The following LRRK2 variants were observed in gnomAD, a reference collection of about 807,000 sequenced individuals.
LRRK2 encodes the protein leucine-rich repeat serine/threonine-protein kinase 2.
Under a neutral mutation model 302.6 loss-of-function variants are expected in LRRK2, and 203 were observed. The ratio of observed to expected loss-of-function variants is 0.67; its 90% confidence interval spans 0.60 to 0.75. The LOEUF is 0.75. Ranked by LOEUF, LRRK2 falls within the 30% of genes least tolerant of loss-of-function variation. LRRK2 has a pLI of 0.00. For synonymous variants in LRRK2, 1,066 were observed against 1,031.9 expected (o/e 1.03, Z -0.63); for missense variants, 2,830 against 2,951.0 (o/e 0.96, Z 0.95).
intron 38 of LRRK2, among the ~76,000 whole-genome samples, chr12:40,327,626 A>G (rs776677308): frequency 1.3e-5 from 2 of 152,196 alleles, no homozygotes; most frequent in Non-Finnish European, 2.9e-5. Flanking sequence ...TTTGTTTCTG[A>G]ACAGGAGAGT....
Position 40,225,040 on chromosome 12 carries a change from G to A in LRRK2, c.-92G>A, listed in dbSNP as rs1940793577. 1.2e-5 allele frequency: 18 copies of A among 1,535,478 alleles called. 1 individual carries two copies. The highest frequency in any genetic ancestry group is 1.4e-5 in the Non-Finnish European group (16 of 1,122,904). ...TGGCTGCGGGCGGTGAGCTGAGCTC[G>A]CCCCCGGGGAGCTGTGGCCGGCGCC... is the stretch of plus-strand genomic sequence containing the variant. On this transcript the variant is annotated 5_prime_UTR_variant, in exon 1 of 51. Coordinates refer to ENST00000298910, the MANE Select transcript of LRRK2 (RefSeq NM_198578.4).
At chr12:40,259,723 A>G in intron 13 of LRRK2, 119 bp downstream of exon 13, 1 of 1,328,962 alleles carries the variant, frequency 7.5e-7, no homozygotes, top group Non-Finnish European at 1.1e-6. Flanking sequence ...CTAAATGTAA[A>G]TCTTTCTGTT....
At chr12:40,261,148 A>T (rs1447007875) in intron 13 of LRRK2, among the ~76,000 whole-genome samples, 1 of 152,194 alleles carries the variant, frequency 6.6e-6, no homozygotes, top group Non-Finnish European at 1.5e-5. Context: ...TAACAGATGT[A>T]ATTTTACTTG....
intron 6 of LRRK2, among the ~76,000 whole-genome samples, chr12:40,242,722 C>T (rs144746219): frequency 6.7e-6 from 1 of 149,194 alleles, no homozygotes; most frequent in African/African-American, 2.5e-5. Flanking sequence ...GGTTGAGCCT[C>T]GTTAAGAAAT....
chr12:40,236,048 A>G lies in LRRK2; in HGVS notation c.436+334A>G, dbSNP rs1941452571. 3.9e-5 allele frequency among the ~76,000 whole-genome samples: 6 copies of G among 152,046 alleles called. No homozygotes were observed. In the South Asian group the frequency reaches 1.2e-3, roughly 31 times the overall value. On this transcript the variant is annotated intron_variant, in intron 4 of 50. Coordinates refer to ENST00000298910, the MANE Select transcript of LRRK2 (RefSeq NM_198578.4). ...TCCCCAAATCTCTGTTGGTAGTCCGATGTTTGCTCCCAAAATCTGGACCTA... is the reference window on the plus strand; with the variant it reads ...TCCCCAAATCTCTGTTGGTAGTCCGGTGTTTGCTCCCAAAATCTGGACCTA...
At position 40,250,296 on chromosome 12, in the gene LRRK2, C is replaced by T. The variant is rs17519594; in HGVS notation, c.958+351C>T. ...CACAAGGTCAGGAGTTCGAGACCAGCCTGGCCAACATGGTGAAACCCCATC... is the reference window on the plus strand; with the variant it reads ...CACAAGGTCAGGAGTTCGAGACCAGTCTGGCCAACATGGTGAAACCCCATC... On this transcript the variant is annotated intron_variant, in intron 8 of 50. Coordinates refer to ENST00000298910, the MANE Select transcript of LRRK2 (RefSeq NM_198578.4). Among the ~76,000 whole-genome samples the T allele has an allele frequency of 4.3e-3, 661 of 152,034 alleles. 9 individuals carry two copies. Among genetic ancestry groups the T allele is most frequent in the African/African-American group, 0.015 (616 of 41,452 alleles).
At chr12:40,253,207 A>G (rs1329763486) in intron 11 of LRRK2, among the ~76,000 whole-genome samples, 191 bp downstream of exon 11, 1 of 152,176 alleles carries the variant, frequency 6.6e-6, no homozygotes, top group Non-Finnish European at 1.5e-5. Flanking sequence ...AATAAAATAA[A>G]CATTTGTTGT....
chr12:40,317,925 T>C (rs1234424771), intron 33 of LRRK2, among the ~76,000 whole-genome samples: 1 of 152,090 alleles, frequency 6.6e-6, no homozygotes, highest in East Asian at 1.9e-4. Flanking sequence ...CTGCTCCACA[T>C]GGTATTGGCA....
At chr12:40,321,980 G>T (rs183390008) in intron 35 of LRRK2, 55 bp from the exon 36 acceptor site, 8 of 1,586,136 alleles carry the variant, frequency 5.0e-6, no homozygotes, top group Non-Finnish European at 6.9e-6. Flanking sequence ...GTGTGCAGTA[G>T]ATTTTTTCCC....
In LRRK2 at chr12:40,363,433, A is replaced by G. The variant is rs1267788697; in HGVS notation, c.7060A>G (p.Ile2354Val). 6.2e-7 allele frequency: 1 copy of G among 1,611,818 alleles called. No homozygotes were observed. Among genetic ancestry groups the G allele is most frequent in the Admixed American group, 1.7e-5 (1 of 59,796 alleles). The change falls in exon 48 of 51, where the codon ATC becomes GTC. Residue 2354 changes from isoleucine to valine, a missense_variant. Ile to Val is a conservative substitution (Grantham distance 29). Transcript: ENST00000298910. ...TTATGCAGCTTTCAGTGATTCCAAC[A>G]TCATAACAGTGGTGGTAGACACTGC... is the stretch of plus-strand genomic sequence containing the variant. ...FSYAAFSDSNIITVVVDTALY... is the reference protein window; with the variant it reads ...FSYAAFSDSNVITVVVDTALY...
In LRRK2 at chr12:40,299,133, C is replaced by T; in HGVS notation, c.3372C>T (p.Ser1124=). Reference sequence around the variant, plus strand: ...GAAATAAAATATCAGGGATATGCTCCCCCTTGAGACTGAAGGAACTGAAGA... The same window carrying T: ...GAAATAAAATATCAGGGATATGCTCTCCCTTGAGACTGAAGGAACTGAAGA... ...LEGNKISGIC[S]PLRLKELKIL... Residue 1124 remains serine (S), a synonymous_variant, in exon 25 of 51, where the codon TCC becomes TCT. Transcript: ENST00000298910. 2.5e-6 allele frequency: 4 copies of T among 1,612,648 alleles called. No homozygotes were observed. Among genetic ancestry groups the T allele is most frequent in the Non-Finnish European group, 2.5e-6 (3 of 1,179,352 alleles).
intron 38 of LRRK2, 85 bp from the exon 39 acceptor site, chr12:40,328,275 A>T: frequency 9.8e-7 from 1 of 1,019,832 alleles, no homozygotes; most frequent in Middle Eastern, 2.6e-4. Context: ...AATTTACAAC[A>T]GATATAATTA....
In LRRK2 at chr12:40,277,907, C is replaced by T. The variant is rs759483355; in HGVS notation, c.1961C>T (p.Ala654Val). ...IQTKGFQTIL[A>V]ILKLSASFSK... ...TTTTAGGGATTTCAGACAATCTTAG[C>T]AATCCTCAAATTGTCAGCATCTTTT... The change falls in exon 17 of 51, where the codon GCA (alanine) becomes GTA (valine). Residue 654 changes from alanine to valine, a missense_variant. By Grantham distance (64) the Ala-to-Val change is moderately conservative. This residue lies in a region of LRRK2 where 2,121 missense variants were observed against 2,148.0 expected (regional missense o/e 0.99). Transcript: ENST00000298910. 6.2e-7 allele frequency: 1 copy of T among 1,609,782 alleles called. No homozygotes were observed. Among genetic ancestry groups the T allele is most frequent in the East Asian group, 2.2e-5 (1 of 44,820 alleles).
chr12:40,302,676 T>G, intron 25 of LRRK2, 113 bp from the exon 26 acceptor site: 2 of 791,358 alleles, frequency 2.5e-6, no homozygotes, highest in Non-Finnish European at 4.4e-6. Context: ...ATTGTCAGTG[T>G]GAGAATGGAA....
intron 42 of LRRK2, 120 bp downstream of exon 42, chr12:40,347,043 C>A: frequency 5.3e-6 from 4 of 752,546 alleles, no homozygotes; most frequent in South Asian, 2.0e-5. Flanking sequence ...TTGTTTAGTG[C>A]ATAAATATTC....
At chr12:40,357,363 CTT>C (rs77689380) in intron 46 of LRRK2, among the ~76,000 whole-genome samples, 116,646 of 151,644 alleles carry the variant, frequency 0.77, 45,641 homozygotes, top group Non-Finnish European at 0.86. Flanking sequence ...GTTGATTCCA[CTT>C]TTTTTTTTAG....
rs554173122 is a variant in LRRK2, at chr12:40,336,246, G to A, written c.5948+1089G>A. ...TCAGGAATGTCTGACTCCCAGATGTGCTCTCTACTTATTATAAAGGATTAT... is the reference window on the plus strand; with the variant it reads ...TCAGGAATGTCTGACTCCCAGATGTACTCTCTACTTATTATAAAGGATTAT... On this transcript the variant is annotated intron_variant, in intron 40 of 50. Coordinates refer to ENST00000298910, the MANE Select transcript of LRRK2 (RefSeq NM_198578.4). 6.6e-5 allele frequency among the ~76,000 whole-genome samples: 10 copies of A among 152,236 alleles called. 1 individual carries two copies. The East Asian group carries it at 1.5e-3, about 23-fold the overall frequency.
intron 41 of LRRK2, among the ~76,000 whole-genome samples, chr12:40,345,432 G>A (rs923028640): frequency 6.6e-6 from 1 of 151,804 alleles, no homozygotes; most frequent in Non-Finnish European, 1.5e-5. Context: ...AGACCAGCCT[G>A]ACCAACATGG....
chr12:40,319,288 A>G (rs1945326756), intron 33 of LRRK2, among the ~76,000 whole-genome samples: 1 of 152,104 alleles, frequency 6.6e-6, no homozygotes, highest in East Asian at 1.9e-4. Context: ...GCTGTGCAGT[A>G]AAGAAATCAA....
Sources: gnomAD v4.1 joint callset for allele counts (sites outside exome capture counted in the v4.1 genomes callset) on GRCh38, gnomAD v4.1.1 for gene constraint, gnomAD v4.1.1 regional missense constraint, MANE v1.5 for transcripts, NCBI Gene and HGNC (gene_info 2026-07-23, HGNC 2026-07-21) for gene names.